Variants in BBS2 observed in about 807,000 individuals in gnomAD.
The protein encoded by BBS2 is BBSome complex member BBS2.
BBS2 carries 62 observed loss-of-function variants against 83.0 expected under a neutral mutation model. The observed-to-expected ratio is 0.75, with a 90% CI of 0.61 to 0.92. The LOEUF (loss-of-function observed/expected upper bound fraction) is 0.92. Ranked by LOEUF, BBS2 falls within the 40% of genes least tolerant of loss-of-function variation. The pLI is 0.00. For missense variants in BBS2, 784 were observed against 901.0 expected (o/e 0.87, Z 1.66); for synonymous variants, 303 against 326.1 (o/e 0.93, Z 0.76).
In BBS2 at chr16:56,484,664, G is replaced by T; in HGVS notation, c.*97C>A. The T allele has an allele frequency of 1.1e-6, 1 of 939,704 alleles. No homozygotes were observed. The highest frequency in any genetic ancestry group is 1.7e-6 in the Non-Finnish European group (1 of 586,242). 58.2% of individuals were successfully genotyped at this position (939,704 alleles called of 1,614,324 possible). Reference sequence around the variant, plus strand: ...CTCACCAAGGTTATTTTCATTCTTAGCACCCGGGGTTCACCAGGGTGTGAT... The same window carrying T: ...CTCACCAAGGTTATTTTCATTCTTATCACCCGGGGTTCACCAGGGTGTGAT... On this transcript the variant is annotated 3_prime_UTR_variant, in exon 17 of 17. Coordinates refer to ENST00000245157, the MANE Select transcript of BBS2 (RefSeq NM_031885.5).
chr16:56,480,359 A>AAACAAAAAAC (rs375829301), downstream of BBS2, among the ~76,000 whole-genome samples: 1,290 of 142,866 alleles, frequency 9.0e-3, 44 homozygotes, highest in East Asian at 0.025. Flanking sequence ...ACACAAAAAA[A>AAACAAAAAAC]AAAAAACAAA....
At position 56,505,899 on chromosome 16, in the gene BBS2, T is replaced by A. The variant is rs193161270; in HGVS notation, c.804+51A>T. The A allele has an allele frequency of 1.9e-4, 272 of 1,414,530 alleles. No individual in the cohort carries two copies. In the African/African-American group the frequency reaches 3.2e-3, roughly 17 times the overall value. The allele number at this position is 1,414,530 out of a possible 1,614,324, so 87.6% of individuals were successfully genotyped here. A position where few individuals can be genotyped will look rare whatever the true frequency, so the allele number is the denominator to read the frequency against. On this transcript the variant is annotated intron_variant, in intron 7 of 16. Transcript: ENST00000245157. ...TTCTAAGTCCTACAGCCAATACACC[T>A]TGGACAATTACTACTCTGAATTATA...
intron 15 of BBS2, among the ~76,000 whole-genome samples, chr16:56,492,413 G>A (rs1201264563): frequency 2.0e-5 from 3 of 152,186 alleles, no homozygotes; most frequent in East Asian, 1.9e-4. Flanking sequence ...GCCAGTCATA[G>A]AAGGACAAAT....
At chr16:56,488,567 G>C (rs1963852790) in intron 15 of BBS2, among the ~76,000 whole-genome samples, 1 of 152,200 alleles carries the variant, frequency 6.6e-6, no homozygotes, top group South Asian at 2.1e-4. Flanking sequence ...CCCTCCCTAG[G>C]TGCATCAACC....
chr16:56,498,296 T>G, intron 13 of BBS2, 141 bp downstream of exon 13: 1 of 1,118,602 alleles, frequency 8.9e-7, no homozygotes, highest in Non-Finnish European at 1.3e-6. Flanking sequence ...TTTATGACCT[T>G]GACATTGATG....
chr16:56,472,999 C>T (rs1567555551), intron 17 of BBS2, among the ~76,000 whole-genome samples: 1 of 152,146 alleles, frequency 6.6e-6, no homozygotes, highest in Admixed American at 6.5e-5. Flanking sequence ...GGCATGATCT[C>T]GGCTCACTGC....
intron 2 of BBS2, among the ~76,000 whole-genome samples, chr16:56,512,423 G>A (rs1433207668): frequency 1.3e-5 from 2 of 152,020 alleles, no homozygotes; most frequent in Non-Finnish European, 2.9e-5. Flanking sequence ...AAACAAAAAT[G>A]GTTGTTAAAA....
intron 5 of BBS2, among the ~76,000 whole-genome samples, chr16:56,507,902 A>G (rs1195463196): frequency 3.3e-5 from 5 of 152,198 alleles, no homozygotes; most frequent in Non-Finnish European, 5.9e-5. Context: ...TGGGAGGCGG[A>G]GGTTGCAGTG....
Position 56,497,897 on chromosome 16 carries a change from T to A in BBS2, c.1660-17A>T. 1 of 1,605,876 alleles carries A rather than the reference T, an allele frequency of 6.2e-7. No individual in the cohort carries two copies. On this transcript the variant is annotated splice_polypyrimidine_tract_variant and intron_variant, in intron 13 of 16. Coordinates refer to ENST00000245157, the MANE Select transcript of BBS2 (RefSeq NM_031885.5). Reference sequence around the variant, plus strand: ...TATAGTGATCTACCCAGAGAAAAAATAGACAAGTTTAGCATCCTCAGATGT... The same window carrying A: ...TATAGTGATCTACCCAGAGAAAAAAAAGACAAGTTTAGCATCCTCAGATGT...
At chr16:56,484,139 T>C (rs1306647781), downstream of BBS2, among the ~76,000 whole-genome samples, 1 of 152,036 alleles carries the variant, frequency 6.6e-6, no homozygotes, top group Admixed American at 6.6e-5. Flanking sequence ...CCCAAGTAGC[T>C]TGGACTACAG....
intron 12 of BBS2, 114 bp downstream of exon 12, chr16:56,499,659 TTCATA>T (rs1179292961): frequency 7.1e-7 from 1 of 1,411,080 alleles, no homozygotes; most frequent in Non-Finnish European, 9.9e-7. Flanking sequence ...AGAGAATTCT[TTCATA>T]TCATATTTAC....
chr16:56,501,356 T>G lies in BBS2; in HGVS notation c.1222A>C (p.Asn408His), dbSNP rs1567575200. Residue 408 changes from asparagine (N) to histidine (H), a missense_variant, in exon 10 of 17, where the codon AAT becomes CAT. Transcript: ENST00000245157. ...CCAGCTGTGAGTACTGTCTTACCAT[T>G]AGAAGTGGAAATGCGTAATTCTGTA... The part of the protein sequence containing the change: ...AHTELRISTS[N>H]DTIIRAVLIF... 1 of 1,613,974 alleles carries G rather than the reference T, an allele frequency of 6.2e-7. No individual in the cohort carries two copies. The highest frequency in any genetic ancestry group is 2.2e-5 in the East Asian group (1 of 44,876).
chr16:56,493,944 C>T (rs868013433), intron 15 of BBS2, among the ~76,000 whole-genome samples: 1 of 151,978 alleles, frequency 6.6e-6, no homozygotes, highest in African/African-American at 2.4e-5. Flanking sequence ...TATGTTGATA[C>T]TGATTGGAGC....
chr16:56,519,167 C>T (rs1353263540), intron 1 of BBS2, among the ~76,000 whole-genome samples: 1 of 151,752 alleles, frequency 6.6e-6, no homozygotes, highest in African/African-American at 2.4e-5. Context: ...CCTGTCTCTA[C>T]TAAAAATACA....
chr16:56,488,643 G>A (rs1051937008), intron 15 of BBS2, among the ~76,000 whole-genome samples: 1 of 152,082 alleles, frequency 6.6e-6, no homozygotes, highest in Admixed American at 6.6e-5. Flanking sequence ...GGGTTTTGAT[G>A]GAATCTTCAT....
chr16:56,499,516 C>G, intron 12 of BBS2: 1 of 417,534 alleles, frequency 2.4e-6, no homozygotes, highest in South Asian at 2.1e-5. Flanking sequence ...CACACTAAGA[C>G]CATAACGGAA....
intron 15 of BBS2, among the ~76,000 whole-genome samples, chr16:56,491,786 T>C (rs1320662029): frequency 3.4e-5 from 4 of 116,776 alleles, no homozygotes; most frequent in Non-Finnish European, 5.3e-5. Flanking sequence ...GGGACTTGAA[T>C]AGAAATTTCT....
At chr16:56,497,150 A>G (rs1458454425) in intron 14 of BBS2, 71 bp from the exon 15 acceptor site, 6 of 990,258 alleles carry the variant, frequency 6.1e-6, no homozygotes, top group Non-Finnish European at 9.8e-6. Flanking sequence ...ATGAAAAGAC[A>G]CTATTTACCA....
In BBS2 at chr16:56,498,463, G is replaced by A; in HGVS notation, c.1633C>T (p.His545Tyr). 1 of 1,613,948 alleles carries A rather than the reference G, an allele frequency of 6.2e-7. No individual in the cohort carries two copies. The highest frequency in any genetic ancestry group is 8.5e-7 in the Non-Finnish European group (1 of 1,179,964). Residue 545 changes from histidine (H) to tyrosine (Y), a missense_variant, in exon 13 of 17, where the codon CAT (histidine) becomes TAT (tyrosine). Transcript: ENST00000245157. Reference protein sequence around the residue: ...FTSLRNGGHLHIKIKLSGEIT... With the variant: ...FTSLRNGGHLYIKIKLSGEIT... The stretch of plus-strand genomic sequence containing the variant: ...TCTCCACTAAGTTTTATTTTTATAT[G>A]CAGGTGGCCGCCATTCCGTAAAGAT...
Sources: gnomAD v4.1 joint callset for allele counts (sites outside exome capture counted in the v4.1 genomes callset) on GRCh38, gnomAD v4.1.1 for gene constraint, MANE v1.5 for transcripts, NCBI Gene and HGNC (gene_info 2026-07-23, HGNC 2026-07-21) for gene names.